The following MYO1H variants were observed in gnomAD, a reference collection of about 807,000 sequenced individuals.
MYO1H encodes the protein unconventional myosin-Ih.
MYO1H carries 118 observed loss-of-function variants against 149.3 expected under a neutral mutation model. The observed-to-expected ratio is 0.79, with a 90% confidence interval of 0.68 to 0.92. The LOEUF (loss-of-function observed/expected upper bound fraction) is 0.92, where lower values mean the gene tolerates loss of function less well. Among genes scored for constraint, MYO1H ranks in the 40% least tolerant of loss-of-function variants. The pLI is 0.00. For missense variants in MYO1H, 1,212 were observed against 1,280.7 expected (o/e 0.95, Z 0.82); for synonymous variants, 447 against 465.2 (o/e 0.96, Z 0.50).
At chr12:109,417,981 A>G (rs1404451800) in intron 15 of MYO1H, among the ~76,000 whole-genome samples, 5 of 150,364 alleles carry the variant, frequency 3.3e-5, no homozygotes, top group Admixed American at 3.3e-4. Flanking sequence ...ACGCCCGGCT[A>G]ATTTTTTCTA....
At chr12:109,439,632 T>C (rs767020645) in exon 24 of MYO1H, 1 of 1,606,820 alleles carries the variant, frequency 6.2e-7, no homozygotes, top group Non-Finnish European at 8.5e-7. Context: ...CCTTTTTAGG[T>C]TCATTAAAGG....
chr12:109,375,865 A>G (rs1183301032), intron 1 of MYO1H, among the ~76,000 whole-genome samples: 1 of 152,114 alleles, frequency 6.6e-6, no homozygotes, highest in Admixed American at 6.6e-5. Flanking sequence ...TGTGGCCTCA[A>G]CTACTTGGGA....
chr12:109,433,287 G>C (rs1484375982), intron 20 of MYO1H, among the ~76,000 whole-genome samples: 1 of 152,212 alleles, frequency 6.6e-6, no homozygotes, highest in African/African-American at 2.4e-5. Flanking sequence ...GAGGGAACCA[G>C]AGGGGGCACC....
the MYO1H span, among the ~76,000 whole-genome samples, chr12:109,336,739 C>A: frequency 6.6e-6 from 1 of 152,282 alleles, no homozygotes; most frequent in South Asian, 2.1e-4. Flanking sequence ...TGATACAGAA[C>A]TCTGATTGGC....
At chr12:109,397,839 C>T in intron 5 of MYO1H, 27 bp downstream of exon 5, 1 of 1,543,268 alleles carries the variant, frequency 6.5e-7, no homozygotes, top group Non-Finnish European at 8.8e-7. Flanking sequence ...ATTACTGGTT[C>T]ATGGGGACCC....
chr12:109,318,977 T>TG, the MYO1H span, among the ~76,000 whole-genome samples: 132 of 138,238 alleles, frequency 9.5e-4, 1 homozygote, highest in African/African-American at 3.3e-3. Flanking sequence ...GTTTTGTTTT[T>TG]TTTTTTTTTT....
chr12:109,312,798 T>C, the MYO1H span, among the ~76,000 whole-genome samples: 1 of 151,366 alleles, frequency 6.6e-6, no homozygotes, highest in African/African-American at 2.4e-5. Context: ...TTGTTTTTTT[T>C]TTTTTTAACT....
At chr12:109,335,677 A>G in the MYO1H span, among the ~76,000 whole-genome samples, 1 of 152,170 alleles carries the variant, frequency 6.6e-6, no homozygotes, top group African/African-American at 2.4e-5. Flanking sequence ...GATGATTGAC[A>G]TTTTTTATAA....
chr12:109,319,579 T>C, the MYO1H span, among the ~76,000 whole-genome samples: 499 of 152,224 alleles, frequency 3.3e-3, 2 homozygotes, highest in African/African-American at 0.011. Flanking sequence ...GTGGTGATGG[T>C]GGTATTTTTT....
intron 15 of MYO1H, among the ~76,000 whole-genome samples, chr12:109,418,161 A>C (rs1179009812): frequency 1.3e-5 from 2 of 151,490 alleles, no homozygotes; most frequent in Admixed American, 1.3e-4. Flanking sequence ...AATTGTTTAT[A>C]TATCCTAGAT....
At chr12:109,361,534 A>G (rs1028203584) in intron 1 of MYO1H, among the ~76,000 whole-genome samples, 7 of 152,208 alleles carry the variant, frequency 4.6e-5, no homozygotes, top group Admixed American at 3.3e-4. Flanking sequence ...GGCCAGGTGC[A>G]GTGGCTCACG....
intron 14 of MYO1H, among the ~76,000 whole-genome samples, chr12:109,413,982 C>T (rs751816355): frequency 6.6e-6 from 1 of 152,126 alleles, no homozygotes; most frequent in African/African-American, 2.4e-5. Flanking sequence ...TAAAAATTCA[C>T]TTATGCTGCT....
chr12:109,441,730 T>G, intron 26 of MYO1H, 22 bp downstream of exon 26: 1 of 1,549,584 alleles, frequency 6.5e-7, no homozygotes, highest in Non-Finnish European at 8.8e-7. Context: ...TTCCAGCCTA[T>G]GTACTTGGCT....
chr12:109,313,169 C>T, the MYO1H span, among the ~76,000 whole-genome samples: 7 of 152,162 alleles, frequency 4.6e-5, no homozygotes, highest in East Asian at 1.4e-3. Flanking sequence ...TGCTTTGAGC[C>T]CCTGGAGGTT....
intron 1 of MYO1H, among the ~76,000 whole-genome samples, chr12:109,367,237 C>T (rs1868883222): frequency 1.3e-5 from 2 of 152,046 alleles, no homozygotes; most frequent in South Asian, 4.2e-4. Flanking sequence ...GGCTAATTTC[C>T]TAACTTTACA....
the MYO1H span, among the ~76,000 whole-genome samples, chr12:109,315,597 C>G: frequency 6.6e-6 from 1 of 152,060 alleles, no homozygotes; most frequent in Admixed American, 6.6e-5. Flanking sequence ...CTTTAAAAAT[C>G]GAAAAGTTGG....
intron 1 of MYO1H, among the ~76,000 whole-genome samples, chr12:109,356,566 A>T (rs1013050838): frequency 6.6e-6 from 1 of 152,206 alleles, no homozygotes; most frequent in Non-Finnish European, 1.5e-5. Flanking sequence ...AAGTAGTGCA[A>T]GAAGACTAGG....
intron 3 of MYO1H, among the ~76,000 whole-genome samples, chr12:109,395,057 C>T (rs1869832282): frequency 6.6e-6 from 1 of 152,210 alleles, no homozygotes; most frequent in Non-Finnish European, 1.5e-5. Context: ...AGCCACCATG[C>T]CCAGCCACCA....
In MYO1H at chr12:109,424,893, C is replaced by G. The variant is rs1871301688; in HGVS notation, c.1725+65C>G. ...AGAGGGTGAGATGACCACCAACTAC[C>G]TACGCTTTTTAAGCCACCTTCCCCT... On this transcript the variant is annotated intron_variant, in intron 17 of 31. Transcript: ENST00000310903. 107 of 1,296,544 alleles carry G rather than the reference C, an allele frequency of 8.3e-5. 1 individual carries two copies. The South Asian group carries it at 1.2e-3, about 15-fold the overall frequency. The allele number at this position is 1,296,544 out of a possible 1,614,324, so 80.3% of individuals were successfully genotyped here. A position where few individuals can be genotyped will look rare whatever the true frequency, so the allele number is the denominator to read the frequency against.
Sources: gnomAD v4.1 joint callset for allele counts (sites outside exome capture counted in the v4.1 genomes callset) on GRCh38, gnomAD v4.1.1 for gene constraint, MANE v1.5 for transcripts, NCBI Gene and HGNC (gene_info 2026-07-23, HGNC 2026-07-21) for gene names.